Variants in PRKCA observed in about 807,000 individuals in gnomAD.
The protein encoded by PRKCA is protein kinase C alpha type.
A neutral mutation model predicts 87.0 loss-of-function variants in PRKCA; 27 were observed. The ratio of observed to expected loss-of-function variants is 0.31; its 90% confidence interval spans 0.23 to 0.43. The LOEUF (loss-of-function observed/expected upper bound fraction) is 0.43, where lower values mean the gene tolerates loss of function less well. PRKCA is among the 20% of genes least tolerant of loss of function. The pLI is 1.00. For missense variants in PRKCA, 518 were observed against 852.3 expected (o/e 0.61, Z 4.88); for synonymous variants, 329 against 311.1 (o/e 1.06, Z -0.61).
Position 66,792,471 on chromosome 17 carries a change from A to T in PRKCA, c.1854+3492A>T, listed in dbSNP as rs1428922584. ...CCACTGCTGGACAGCCACAGAGCTT[A>T]TCAGGGAATCATGGTTCCTCTAGTG... is the stretch of plus-strand genomic sequence containing the variant. On this transcript the variant is annotated intron_variant, in intron 16 of 16. Transcript: ENST00000413366. This position sits in a 1 kb window ranked among gnomAD's most constrained non-coding sequence, Gnocchi z 4.5. Among the ~76,000 whole-genome samples, 1 of 152,238 alleles carries T rather than the reference A, an allele frequency of 6.6e-6. No homozygotes were observed. The highest frequency in any genetic ancestry group is 1.5e-5 in the Non-Finnish European group (1 of 68,046).
intron 2 of PRKCA, among the ~76,000 whole-genome samples, chr17:66,495,727 A>T (rs549289870): frequency 6.7e-6 from 1 of 150,354 alleles, no homozygotes; most frequent in Admixed American, 6.6e-5. Flanking sequence ...TAATTTGTGT[A>T]TGTGTGTGTG....
intron 3 of PRKCA, among the ~76,000 whole-genome samples, chr17:66,566,625 T>C (rs1045683192): frequency 2.0e-5 from 3 of 152,100 alleles, no homozygotes; most frequent in African/African-American, 4.8e-5. Context: ...CTACTAAGTA[T>C]AGTTATATCC....
At chr17:66,436,935 A>G (rs745543240) in intron 2 of PRKCA, among the ~76,000 whole-genome samples, 8 of 152,188 alleles carry the variant, frequency 5.3e-5, no homozygotes, top group Non-Finnish European at 7.3e-5. Flanking sequence ...AGGCTTGAAT[A>G]TTATTAAACA....
intron 14 of PRKCA, among the ~76,000 whole-genome samples, chr17:66,781,780 C>T (rs563199182): frequency 1.3e-5 from 2 of 150,982 alleles, no homozygotes; most frequent in Non-Finnish European, 1.5e-5. Context: ...GTGATGGTTA[C>T]GGAGAAACAT....
chr17:66,397,050 C>T (rs1330485795), intron 2 of PRKCA, among the ~76,000 whole-genome samples: 1 of 134,080 alleles, frequency 7.5e-6, no homozygotes, highest in Non-Finnish European at 1.5e-5. Flanking sequence ...ACTGTAACCT[C>T]TGCCTCCCAG....
At chr17:66,528,221 C>CAAAAAAAAAAAAAAAAAAAAAAA (rs60533049) in intron 3 of PRKCA, among the ~76,000 whole-genome samples, 1 of 85,948 alleles carries the variant, frequency 1.2e-5, no homozygotes, top group Non-Finnish European at 2.2e-5. Flanking sequence ...AACTCTGTCT[C>CAAAAAAAAAAAAAAAAAAAAAAA]AAAAAAAAAA....
intron 2 of PRKCA, chr17:66,415,900 G>A (rs1339952094): frequency 6.6e-6 from 1 of 152,136 alleles, no homozygotes; most frequent in Non-Finnish European, 1.5e-5. Context: ...TATAATTAAG[G>A]TCAGTCCTTG....
chr17:66,461,704 A>G (rs1402716784), intron 2 of PRKCA, among the ~76,000 whole-genome samples: 1 of 152,190 alleles, frequency 6.6e-6, no homozygotes, highest in Non-Finnish European at 1.5e-5. Context: ...TTCACTGGGC[A>G]CTTAGGTTTA....
At chr17:66,462,947 CA>C (rs1914921552) in intron 2 of PRKCA, among the ~76,000 whole-genome samples, 1 of 151,430 alleles carries the variant, frequency 6.6e-6, no homozygotes, top group Non-Finnish European at 1.5e-5. Context: ...CACACACACA[CA>C]CACACACACA....
chr17:66,479,785 A>G (rs1915697045), intron 2 of PRKCA, among the ~76,000 whole-genome samples: 1 of 152,208 alleles, frequency 6.6e-6, no homozygotes, highest in African/African-American at 2.4e-5. Context: ...GTTCTCACTT[A>G]TAAGTGACAG....
At chr17:66,356,905 A>G (rs963585617) in intron 2 of PRKCA, among the ~76,000 whole-genome samples, 1 of 151,998 alleles carries the variant, frequency 6.6e-6, no homozygotes, top group East Asian at 1.9e-4. Context: ...CAGCCACACC[A>G]CCATGCCCTG....
At chr17:66,499,532 G>GT (rs1263148371) in intron 3 of PRKCA, among the ~76,000 whole-genome samples, 1 of 152,092 alleles carries the variant, frequency 6.6e-6, no homozygotes, top group Non-Finnish European at 1.5e-5. Flanking sequence ...ATTATTTTTG[G>GT]TAACTCATTT....
chr17:66,751,657 G>T (rs1974429072), intron 13 of PRKCA, among the ~76,000 whole-genome samples: 1 of 152,146 alleles, frequency 6.6e-6, no homozygotes, highest in Non-Finnish European at 1.5e-5. Context: ...GGCCTGAGAT[G>T]AGCAGGGTCC....
chr17:66,563,416 C>A (rs1300809434), intron 3 of PRKCA, among the ~76,000 whole-genome samples: 1 of 152,200 alleles, frequency 6.6e-6, no homozygotes, highest in Non-Finnish European at 1.5e-5. Context: ...TAGTTGAAGT[C>A]ATGCAGTATG....
intron 8 of PRKCA, among the ~76,000 whole-genome samples, chr17:66,729,801 T>TTTTC (rs1568000097): frequency 6.7e-6 from 1 of 149,160 alleles, no homozygotes; most frequent in Admixed American, 6.7e-5. Context: ...TTTTTTTTTT[T>TTTTC]CTGAGACAGA....
At chr17:66,660,101 C>A (rs956984929) in intron 5 of PRKCA, among the ~76,000 whole-genome samples, 1 of 150,920 alleles carries the variant, frequency 6.6e-6, no homozygotes, top group African/African-American at 2.5e-5. Flanking sequence ...GAAGCTTTGT[C>A]TAAGAATTAG....
chr17:66,657,914 A>G (rs1971780506), intron 5 of PRKCA, among the ~76,000 whole-genome samples: 1 of 152,240 alleles, frequency 6.6e-6, no homozygotes, highest in Non-Finnish European at 1.5e-5. Context: ...GAAAGAATAC[A>G]GCAGGCTTGT....
At chr17:66,579,677 AC>A (rs141655315) in intron 3 of PRKCA, among the ~76,000 whole-genome samples, 4,841 of 152,134 alleles carry the variant, frequency 0.032, 120 homozygotes, top group Non-Finnish European at 0.046. Context: ...TCTTGCTGGG[AC>A]CTTGAAAGAG....
chr17:66,372,489 T>G (rs1909174538), intron 2 of PRKCA, among the ~76,000 whole-genome samples: 1 of 152,210 alleles, frequency 6.6e-6, no homozygotes, highest in Non-Finnish European at 1.5e-5. Context: ...GGTGATAGTC[T>G]CACGCAAAAT....
Sources: allele counts gnomAD v4.1 joint callset (sites outside exome capture counted in the v4.1 genomes callset), GRCh38; gene constraint gnomAD v4.1.1; non-coding constraint Gnocchi (gnomAD v3.1); transcripts MANE v1.5; gene names NCBI Gene and HGNC (gene_info 2026-07-23, HGNC 2026-07-21).